FGF10: variants seen among roughly 807,000 people sequenced by gnomAD.
FGF10 encodes the protein fibroblast growth factor 10.
FGF10 carries 2 observed loss-of-function variants against 19.8 expected under a neutral mutation model. The ratio of observed to expected loss-of-function variants is 0.10; its 90% CI spans 0.04 to 0.32. The LOEUF (loss-of-function observed/expected upper bound fraction) is 0.32. FGF10 is among the 10% of genes least tolerant of loss of function. FGF10 has a pLI of 1.00. For synonymous variants in FGF10, 112 were observed against 94.0 expected (o/e 1.19, Z -1.10); for missense variants, 191 against 246.3 (o/e 0.78, Z 1.50).
chr5:44,305,070 T>C lies in FGF10; in HGVS notation c.552A>G (p.Gly184=). 1 of 1,614,036 alleles carries C rather than the reference T, an allele frequency of 6.2e-7. No homozygotes were observed. Among genetic ancestry groups the C allele is most frequent in the Non-Finnish European group, 8.5e-7 (1 of 1,179,926 alleles). The change falls in exon 3 of 3, where the codon GGA becomes GGG. Residue 184 remains glycine (G), a synonymous_variant. Transcript: ENST00000264664. ...RQMYVALNGK[G]APRRGQKTRR... ...GTGTTTTCTGTCCTCTCCTTGGAGC[T>C]CCTTTTCCATTCAATGCCACATACA...
At chr5:44,378,777 C>T (rs770212743) in intron 1 of FGF10, among the ~76,000 whole-genome samples, 1 of 152,188 alleles carries the variant, frequency 6.6e-6, no homozygotes. Context: ...TCCTTCCTGC[C>T]TCTTTCCTCA....
chr5:44,352,724 C>T (rs201775755), intron 1 of FGF10, among the ~76,000 whole-genome samples: 1 of 151,658 alleles, frequency 6.6e-6, no homozygotes, highest in South Asian at 2.1e-4. Flanking sequence ...TTAGAAGATA[C>T]CTGAGAAGCT....
intron 1 of FGF10, among the ~76,000 whole-genome samples, chr5:44,330,755 C>T (rs58307385): frequency 0.064 from 9,674 of 152,152 alleles, 803 homozygotes; most frequent in East Asian, 0.21. Flanking sequence ...GGATAGAGAG[C>T]ATACATAGCT....
chr5:44,352,898 T>TA (rs1323727182), intron 1 of FGF10, among the ~76,000 whole-genome samples: 3 of 151,630 alleles, frequency 2.0e-5, no homozygotes, highest in Admixed American at 6.6e-5. Flanking sequence ...TTGACACTAT[T>TA]AAAAATAAAA....
At chr5:44,386,641 T>C (rs1268264969) in intron 1 of FGF10, among the ~76,000 whole-genome samples, 1 of 152,230 alleles carries the variant, frequency 6.6e-6, no homozygotes, top group African/African-American at 2.4e-5. Flanking sequence ...AAAATAATTG[T>C]CATCATTATG....
chr5:44,376,679 G>A (rs55772020), intron 1 of FGF10, among the ~76,000 whole-genome samples: 1 of 151,756 alleles, frequency 6.6e-6, no homozygotes, highest in African/African-American at 2.4e-5. Flanking sequence ...TGGCAAATCA[G>A]AAATATGAAG....
intron 1 of FGF10, among the ~76,000 whole-genome samples, chr5:44,386,122 T>C (rs932885885): frequency 2.0e-5 from 3 of 152,164 alleles, no homozygotes; most frequent in Non-Finnish European, 2.9e-5. Flanking sequence ...ACCCCTTTTA[T>C]ACAATATATA....
intron 1 of FGF10, among the ~76,000 whole-genome samples, chr5:44,334,033 G>C (rs1403279911): frequency 6.6e-6 from 1 of 151,992 alleles, no homozygotes; most frequent in Admixed American, 6.6e-5. Flanking sequence ...AAATGGTCAC[G>C]TGGGGCAAAA....
At chr5:44,377,815 C>T (rs765851139) in intron 1 of FGF10, among the ~76,000 whole-genome samples, 1 of 152,204 alleles carries the variant, frequency 6.6e-6, no homozygotes, top group Non-Finnish European at 1.5e-5. Context: ...TTGTGGTTTA[C>T]ATACACACAG....
intron 1 of FGF10, among the ~76,000 whole-genome samples, chr5:44,330,728 T>G (rs951098296): frequency 2.0e-5 from 3 of 152,190 alleles, no homozygotes; most frequent in African/African-American, 7.2e-5. Context: ...CTTTCATGGC[T>G]GTTGCACTAT....
intron 1 of FGF10, among the ~76,000 whole-genome samples, chr5:44,368,561 A>G (rs1741671591): frequency 6.6e-6 from 1 of 152,164 alleles, no homozygotes; most frequent in Non-Finnish European, 1.5e-5. Flanking sequence ...AGCTGAAACT[A>G]TAGGTCAAGC....
chr5:44,377,261 G>A (rs1014177553), intron 1 of FGF10, among the ~76,000 whole-genome samples: 2 of 152,116 alleles, frequency 1.3e-5, no homozygotes, highest in African/African-American at 2.4e-5. Context: ...CTGCTTCTTG[G>A]CATTGAGTAG....
chr5:44,325,683 A>C (rs1208075382), intron 1 of FGF10, among the ~76,000 whole-genome samples: 4 of 149,740 alleles, frequency 2.7e-5, no homozygotes, highest in Non-Finnish European at 4.4e-5. Flanking sequence ...GGAATTGAAC[A>C]ATGAGAACAT....
intron 1 of FGF10, among the ~76,000 whole-genome samples, chr5:44,329,330 C>T (rs6451760): frequency 0.4 from 60,879 of 151,922 alleles, 12,902 homozygotes; most frequent in African/African-American, 0.54. Context: ...GTGCATGCCA[C>T]CACACCTGGC....
At chr5:44,344,355 T>C (rs1015352299) in intron 1 of FGF10, among the ~76,000 whole-genome samples, 9 of 151,796 alleles carry the variant, frequency 5.9e-5, no homozygotes, top group Non-Finnish European at 8.8e-5. Flanking sequence ...GTTAGGAAAA[T>C]AGCATTTTAA....
intron 1 of FGF10, among the ~76,000 whole-genome samples, chr5:44,327,107 G>T (rs1740632227): frequency 6.6e-6 from 1 of 152,108 alleles, no homozygotes; most frequent in South Asian, 2.1e-4. Context: ...CTTCAGCGTG[G>T]TTTCCAGCCT....
intron 1 of FGF10, among the ~76,000 whole-genome samples, chr5:44,355,293 C>T (rs781625062): frequency 2.0e-5 from 3 of 151,192 alleles, no homozygotes; most frequent in Non-Finnish European, 4.4e-5. Context: ...AAATGATCTT[C>T]AAAAGGCAGT....
chr5:44,367,119 A>C (rs6859730), intron 1 of FGF10, among the ~76,000 whole-genome samples: 1 of 151,846 alleles, frequency 6.6e-6, no homozygotes, highest in African/African-American at 2.4e-5. Flanking sequence ...AACTGAAAGA[A>C]CTGATAGAAA....
chr5:44,347,894 G>A (rs1169663560), intron 1 of FGF10, among the ~76,000 whole-genome samples: 2 of 151,546 alleles, frequency 1.3e-5, no homozygotes, highest in Non-Finnish European at 3.0e-5. Context: ...TAGAACAACT[G>A]TTTTTAGTGT....
Sources: gnomAD v4.1 joint callset for allele counts (sites outside exome capture counted in the v4.1 genomes callset) on GRCh38, gnomAD v4.1.1 for gene constraint, MANE v1.5 for transcripts, NCBI Gene and HGNC (gene_info 2026-07-23, HGNC 2026-07-21) for gene names.